The following ST6GALNAC2 variants were observed in gnomAD, a reference collection of about 807,000 sequenced individuals.
The protein encoded by ST6GALNAC2 is alpha-N-acetylgalactosaminide alpha-2,6-sialyltransferase 2.
In ST6GALNAC2, 42 loss-of-function variants were observed where a neutral mutation model predicts 38.7. That is an observed-to-expected ratio of 1.09 (90% CI 0.85 to 1.40). The LOEUF is 1.40. Among genes scored for constraint, ST6GALNAC2 ranks in the 40% most tolerant of loss-of-function variants. The pLI, the probability that ST6GALNAC2 is intolerant of heterozygous loss-of-function variation, is 0.00. For missense variants in ST6GALNAC2, 506 were observed against 481.7 expected (o/e 1.05, Z -0.47); for synonymous variants, 233 against 209.0 (o/e 1.11, Z -0.99).
rs201613931 is a variant in ST6GALNAC2, at chr17:76,572,681, C to T, written c.625G>A (p.Val209Ile). Residue 209 changes from valine (V) to isoleucine (I), a missense_variant, in exon 5 of 9, where the codon GTC (valine) becomes ATC (isoleucine). Coordinates refer to ENST00000225276, the MANE Select transcript of ST6GALNAC2 (RefSeq NM_006456.3). ...GTGAAGCCCAGATTCCAGTAGGAGA[C>T]GAGGGAGTTCTTCATCGTGTTCACA... is the stretch of plus-strand genomic sequence containing the variant. ...FTVNTMKNSL[V>I]SYWNLGFTSV... is the part of the protein sequence containing the mutation. The T allele has an allele frequency of 1.3e-4, 206 of 1,614,124 alleles. No individual in the cohort carries two copies. Among genetic ancestry groups the T allele is most frequent in the Non-Finnish European group, 1.5e-4 (180 of 1,180,008 alleles).
At chr17:76,577,999 T>C (rs2075436133) in intron 2 of ST6GALNAC2, among the ~76,000 whole-genome samples, 1 of 152,180 alleles carries the variant, frequency 6.6e-6, no homozygotes, top group Admixed American at 6.5e-5. Context: ...AGTCAGCATG[T>C]CCCATTTTAG....
chr17:76,570,789 T>G, intron 5 of ST6GALNAC2, 121 bp from the exon 6 acceptor site: 1 of 721,028 alleles, frequency 1.4e-6, no homozygotes, highest in East Asian at 2.7e-5. Context: ...TTAAATACCT[T>G]TCATTCCCAC....
At chr17:76,570,462 A>G (rs2075340323) in intron 6 of ST6GALNAC2, 103 bp downstream of exon 6, 2 of 733,358 alleles carry the variant, frequency 2.7e-6, no homozygotes, top group Admixed American at 4.4e-5. Flanking sequence ...CCCTTCACCC[A>G]CCTCCTCTTA....
intron 1 of ST6GALNAC2, 46 bp from the exon 2 acceptor site, chr17:76,578,862 AC>A (rs1446903837): frequency 5.7e-6 from 9 of 1,571,056 alleles, no homozygotes; most frequent in Non-Finnish European, 7.8e-6. Flanking sequence ...GCTCTGACCT[AC>A]CCCTTGGAAG....
At chr17:76,581,540 CA>C (rs1326990073) in intron 1 of ST6GALNAC2, among the ~76,000 whole-genome samples, 3 of 152,056 alleles carry the variant, frequency 2.0e-5, no homozygotes, top group Admixed American at 1.3e-4. Context: ...GGGTGGGGGA[CA>C]GGGGTAGAGC....
chr17:76,578,792 G>A lies in ST6GALNAC2; in HGVS notation c.150C>T (p.Phe50=). The A allele has an allele frequency of 1.2e-6, 2 of 1,613,632 alleles. No individual in the cohort carries two copies. Among genetic ancestry groups the A allele is most frequent in the Non-Finnish European group, 1.7e-6 (2 of 1,179,848 alleles). Residue 50 remains phenylalanine (F), a synonymous_variant, in exon 2 of 9, where the codon TTC becomes TTT. Transcript: ENST00000225276. ...AAGAATTCGATGCCTTGGATTGAAAGAATGCTTCAAATGATGTGGTGTCCC... is the reference window on the plus strand; with the variant it reads ...AAGAATTCGATGCCTTGGATTGAAAAAATGCTTCAAATGATGTGGTGTCCC... The part of the protein sequence containing the change: ...GARDTTSFEA[F]FQSKASNSWT...
intron 4 of ST6GALNAC2, 124 bp from the exon 5 acceptor site, chr17:76,572,899 A>G: frequency 4.1e-6 from 5 of 1,221,804 alleles, no homozygotes; most frequent in Non-Finnish European, 3.5e-6. Context: ...TGCCCATGGC[A>G]GTACCAGTGC....
chr17:76,575,979 C>T (rs905865129), intron 2 of ST6GALNAC2, among the ~76,000 whole-genome samples: 1 of 152,238 alleles, frequency 6.6e-6, no homozygotes, highest in African/African-American at 2.4e-5. Flanking sequence ...CATGGGGGCT[C>T]ACCCCTCTAA....
Position 76,570,672 on chromosome 17 carries a change from T to A in ST6GALNAC2, c.670-4A>T. Reference sequence around the variant, plus strand: ...GGATGAAGATATACTGCAGGTCCTGTCAGAATAGAGACAATGAGCCCAGAG... The same window carrying A: ...GGATGAAGATATACTGCAGGTCCTGACAGAATAGAGACAATGAGCCCAGAG... On this transcript the variant is annotated splice_polypyrimidine_tract_variant and splice_region_variant and intron_variant, in intron 5 of 8. Transcript: ENST00000225276. The A allele has an allele frequency of 6.2e-7, 1 of 1,606,192 alleles. No individual in the cohort carries two copies. The highest frequency in any genetic ancestry group is 1.1e-5 in the South Asian group (1 of 90,128).
intron 6 of ST6GALNAC2, chr17:76,569,407 G>A (rs1330945435): frequency 2.6e-6 from 1 of 379,250 alleles, no homozygotes; most frequent in East Asian, 3.7e-5. Context: ...TGGGGTGGGG[G>A]TTTGGGCAGC....
intron 1 of ST6GALNAC2, among the ~76,000 whole-genome samples, chr17:76,584,862 C>T (rs1202870062): frequency 6.6e-6 from 1 of 152,234 alleles, no homozygotes; most frequent in African/African-American, 2.4e-5. Context: ...CTGAGGCTGC[C>T]GGGCCCTTCC....
chr17:76,583,044 A>T (rs1480362156), intron 1 of ST6GALNAC2, among the ~76,000 whole-genome samples: 4 of 152,242 alleles, frequency 2.6e-5, no homozygotes, highest in African/African-American at 9.6e-5. Context: ...AGTCTATTAG[A>T]TACCCTGAAA....
intron 5 of ST6GALNAC2, among the ~76,000 whole-genome samples, chr17:76,571,708 T>C (rs1033936479): frequency 1.3e-5 from 2 of 152,196 alleles, no homozygotes; most frequent in African/African-American, 4.8e-5. Flanking sequence ...CTTAAGCCCC[T>C]GGTCAGGGGA....
intron 5 of ST6GALNAC2, among the ~76,000 whole-genome samples, chr17:76,571,972 G>T (rs547196417): frequency 1.1e-4 from 16 of 152,270 alleles, no homozygotes; most frequent in African/African-American, 3.6e-4. Flanking sequence ...GCTATTGTGA[G>T]ATTTCAAGAG....
At chr17:76,580,024 A>C (rs900436099) in intron 1 of ST6GALNAC2, among the ~76,000 whole-genome samples, 10 of 152,218 alleles carry the variant, frequency 6.6e-5, no homozygotes, top group African/African-American at 2.4e-4. Flanking sequence ...TGAACTTCTC[A>C]GAACCTCAGT....
chr17:76,566,309 C>T (rs770208044), intron 8 of ST6GALNAC2, 38 bp from the exon 9 acceptor site: 30 of 1,606,382 alleles, frequency 1.9e-5, no homozygotes, highest in Middle Eastern at 3.3e-4. Flanking sequence ...ATTTGTTGAG[C>T]GTCTAGTGTG....
intron 5 of ST6GALNAC2, among the ~76,000 whole-genome samples, chr17:76,571,538 G>A (rs1761592307): frequency 6.6e-6 from 1 of 152,246 alleles, no homozygotes; most frequent in African/African-American, 2.4e-5. Context: ...ACATTGCAGT[G>A]AGCTGAGATT....
At chr17:76,574,582 C>T in intron 2 of ST6GALNAC2, 43 bp from the exon 3 acceptor site, 9 of 414,776 alleles carry the variant, frequency 2.2e-5, no homozygotes, top group Non-Finnish European at 3.5e-5. Context: ...TAGGTAGGGG[C>T]TGGGGTGGGT....
At chr17:76,568,878 G>A (rs750576564) in intron 6 of ST6GALNAC2, 82 bp from the exon 7 acceptor site, 6 of 1,384,936 alleles carry the variant, frequency 4.3e-6, no homozygotes, top group African/African-American at 2.9e-5. Flanking sequence ...TCAGGGCGCC[G>A]GAGTAGCCGC....
Sources: gnomAD v4.1 joint callset for allele counts (sites outside exome capture counted in the v4.1 genomes callset) on GRCh38, gnomAD v4.1.1 for gene constraint, MANE v1.5 for transcripts, NCBI Gene and HGNC (gene_info 2026-07-23, HGNC 2026-07-21) for gene names.